Variants in DMD observed in about 807,000 individuals in gnomAD.
DMD encodes the protein dystrophin, also known as mutant dystrophin.
A neutral mutation model predicts 330.1 loss-of-function variants in DMD; 63 were observed. The observed-to-expected ratio is 0.19, with a 90% confidence interval of 0.16 to 0.24. The LOEUF (loss-of-function observed/expected upper bound fraction) is 0.24, where lower values mean the gene tolerates loss of function less well. DMD is among the 10% of genes least tolerant of loss of function. DMD has a pLI of 1.00. For synonymous variants in DMD, 1,223 were observed against 959.8 expected, an observed-to-expected ratio of 1.27 and a Z score of -5.07; for missense variants, 3,344 against 2,684.1, an observed-to-expected ratio of 1.25 and a Z score of -5.43.
At chrX:31,954,698 A>G (rs1444530009) in intron 45 of DMD, among the ~76,000 whole-genome samples, 1 of 110,840 alleles carries the variant, frequency 9.0e-6, no homozygotes, top group East Asian at 2.8e-4. Flanking sequence ...GGATCTCATG[A>G]AAGTAGACAC....
chrX:31,524,554 A>AT (rs1263870582), intron 55 of DMD, among the ~76,000 whole-genome samples: 1 of 112,065 alleles, frequency 8.9e-6, no homozygotes, highest in Non-Finnish European at 1.9e-5. Flanking sequence ...TTTCACTCTG[A>AT]TAAGATTCCA....
chrX:33,087,244 T>C (rs2095021440), intron 1 of DMD, among the ~76,000 whole-genome samples: 1 of 112,434 alleles, frequency 8.9e-6, no homozygotes, highest in Non-Finnish European at 1.9e-5. Flanking sequence ...TTATTTAAAA[T>C]GTAAACATCA....
chrX:31,195,729 G>A (rs1194776133), intron 67 of DMD, among the ~76,000 whole-genome samples: 1 of 105,969 alleles, frequency 9.4e-6, no homozygotes, highest in African/African-American at 3.5e-5. Context: ...AAGGAGAAGG[G>A]GACAGAGAGA....
At chrX:31,770,823 T>C (rs1369733853) in intron 51 of DMD, among the ~76,000 whole-genome samples, 3 of 111,641 alleles carry the variant, frequency 2.7e-5, no homozygotes, top group African/African-American at 9.8e-5. Flanking sequence ...TCACGTGAAG[T>C]ACTTAGATCA....
In DMD at chrX:32,963,374, G is replaced by A. The variant is rs191688878; in HGVS notation, c.93+56765C>T. Among the ~76,000 whole-genome samples the A allele has an allele frequency of 5.4e-5, 6 of 111,927 alleles. No individual in the cohort carries two copies. The East Asian group carries it at 8.5e-4, about 16-fold the overall frequency. On this transcript the variant is annotated intron_variant, in intron 2 of 78. Transcript: ENST00000357033. ...GAACACGTTGAGGTTGCATACTAAGGTGTATTTTATATCTGATGGTTCCAT... is the reference window on the plus strand; with the variant it reads ...GAACACGTTGAGGTTGCATACTAAGATGTATTTTATATCTGATGGTTCCAT...
chrX:33,308,751 T>C (rs1320365155), intron 1 of DMD, among the ~76,000 whole-genome samples: 2 of 111,433 alleles, frequency 1.8e-5, no homozygotes, highest in Admixed American at 9.6e-5. Flanking sequence ...TCCTTAGTAT[T>C]GAGGGAAGGT....
chrX:32,866,739 G>T (rs2082529281), intron 2 of DMD, among the ~76,000 whole-genome samples: 1 of 37,385 alleles, frequency 2.7e-5, no homozygotes, highest in African/African-American at 9.0e-5. Context: ...GGGGGTGGGG[G>T]GGTGGGGGGG....
At chrX:31,239,666 C>T (rs2048056245) in intron 63 of DMD, among the ~76,000 whole-genome samples, 2 of 111,699 alleles carry the variant, frequency 1.8e-5, no homozygotes, top group Admixed American at 9.5e-5. Flanking sequence ...CCTTGACAAA[C>T]ATCTGACTGG....
At chrX:31,203,026 AATCCG>A in intron 67 of DMD, among the ~76,000 whole-genome samples, 1 of 111,676 alleles carries the variant, frequency 9.0e-6, no homozygotes, top group South Asian at 3.8e-4. Flanking sequence ...TTACGCCTGT[AATCCG>A]AGCACTTTGG....
intron 7 of DMD, among the ~76,000 whole-genome samples, chrX:32,710,849 TG>T (rs746049337): frequency 5.4e-5 from 6 of 110,865 alleles, no homozygotes; most frequent in Non-Finnish European, 9.4e-5. Flanking sequence ...GAGTCAGCGG[TG>T]GGTAGGATTC....
intron 57 of DMD, among the ~76,000 whole-genome samples, chrX:31,483,275 C>T (rs370389705): frequency 0.023 from 2,497 of 109,226 alleles, 84 homozygotes; most frequent in African/African-American, 0.068. Context: ...CTCCATCTCC[C>T]AACCTCGTGA....
At chrX:32,238,561 T>TA (rs755663140) in intron 43 of DMD, among the ~76,000 whole-genome samples, 4 of 111,365 alleles carry the variant, frequency 3.6e-5, no homozygotes, top group Non-Finnish European at 5.7e-5. Context: ...GGAAATGACA[T>TA]ATCATCACAA....
intron 33 of DMD, among the ~76,000 whole-genome samples, chrX:32,386,045 A>T (rs894211743): frequency 1.8e-5 from 2 of 110,333 alleles, no homozygotes; most frequent in Non-Finnish European, 3.8e-5. Flanking sequence ...GTATTTTTCA[A>T]TCTGAATAAG....
At chrX:31,388,961 A>C (rs969674122) in intron 60 of DMD, among the ~76,000 whole-genome samples, 1 of 112,699 alleles carries the variant, frequency 8.9e-6, no homozygotes, top group African/African-American at 3.2e-5. Context: ...GCTGAATCTC[A>C]GCATCCTATT....
At chrX:32,205,883 T>C (rs747974439) in intron 44 of DMD, 6 of 317,103 alleles carry the variant, frequency 1.9e-5, no homozygotes, top group African/African-American at 1.6e-4. Flanking sequence ...CCTAAGTGCG[T>C]CCTGCCACCT....
intron 55 of DMD, among the ~76,000 whole-genome samples, chrX:31,623,149 C>T (rs2078650081): frequency 1.8e-5 from 2 of 111,049 alleles, no homozygotes; most frequent in Admixed American, 1.9e-4. Flanking sequence ...AAATACGATA[C>T]TCCAATTTAT....
intron 44 of DMD, among the ~76,000 whole-genome samples, chrX:31,987,015 A>G (rs2095514284): frequency 8.9e-6 from 1 of 112,004 alleles, no homozygotes; most frequent in Non-Finnish European, 1.9e-5. Flanking sequence ...TTTATCATTT[A>G]TCTGTCATCT....
chrX:31,510,633 A>G (rs981630448), intron 55 of DMD, among the ~76,000 whole-genome samples: 13 of 106,033 alleles, frequency 1.2e-4, no homozygotes, highest in East Asian at 3.0e-4. Context: ...TCAGCCTCCC[A>G]AGTAGCTGGG....
chrX:32,115,072 A>G (rs1352966539), intron 44 of DMD, among the ~76,000 whole-genome samples: 1 of 111,940 alleles, frequency 8.9e-6, no homozygotes, highest in Non-Finnish European at 1.9e-5. Context: ...GGTTTTCTCT[A>G]TAAATCACAG....
Sources: allele counts gnomAD v4.1 joint callset (sites outside exome capture counted in the v4.1 genomes callset), GRCh38; gene constraint gnomAD v4.1.1; transcripts MANE v1.5; gene names NCBI Gene and HGNC (gene_info 2026-07-23, HGNC 2026-07-21).